Variants in ANKRD44 observed in about 807,000 individuals in gnomAD.
The protein encoded by ANKRD44 is serine/threonine-protein phosphatase 6 regulatory ankyrin repeat subunit B.
A neutral mutation model predicts 116.0 loss-of-function variants in ANKRD44; 35 were observed. That is an observed-to-expected ratio of 0.30 (90% CI 0.23 to 0.40). ANKRD44 has a LOEUF of 0.40. Ranked by LOEUF, ANKRD44 falls within the 10% of genes least tolerant of loss-of-function variation. ANKRD44 has a pLI of 1.00. For missense variants in ANKRD44, 1,014 were observed against 1,242.6 expected, an observed-to-expected ratio of 0.82 and a Z score of 2.77; for synonymous variants, 435 against 461.8, an observed-to-expected ratio of 0.94 and a Z score of 0.74.
At chr2:197,156,071 G>C (rs1393932310) in intron 2 of ANKRD44, among the ~76,000 whole-genome samples, 1 of 152,236 alleles carries the variant, frequency 6.6e-6, no homozygotes, top group Admixed American at 6.5e-5. Flanking sequence ...ACCGGGCCGG[G>C]CGTGGTGGCT....
At chr2:197,142,080 T>G (rs1283417625) in intron 3 of ANKRD44, among the ~76,000 whole-genome samples, 5 of 152,230 alleles carry the variant, frequency 3.3e-5, no homozygotes. Flanking sequence ...GTATATTGAT[T>G]CTTCAGAAAC....
At chr2:197,255,232 G>A (rs2082417409) in intron 1 of ANKRD44, among the ~76,000 whole-genome samples, 1 of 152,354 alleles carries the variant, frequency 6.6e-6, no homozygotes, top group South Asian at 2.1e-4. Context: ...TGGGAATGCT[G>A]CCTGTTCCTC....
rs1489354093 is a variant in ANKRD44, at chr2:197,280,305, C to T, written c.27+30273G>A. ...CTCCACCCAAGTCAGCAACACCTAC[C>T]AGAAACAACAAAGAAAGCATCTGGA... On this transcript the variant is annotated intron_variant, in intron 1 of 27. Transcript: ENST00000282272. Among the ~76,000 whole-genome samples, 8 of 152,224 alleles carry T rather than the reference C, an allele frequency of 5.3e-5. No individual in the cohort carries two copies. In the East Asian group the frequency reaches 1.5e-3, roughly 29 times the overall value.
chr2:196,970,836 G>A (rs1439637365), intron 21 of ANKRD44, among the ~76,000 whole-genome samples: 2 of 152,022 alleles, frequency 1.3e-5, no homozygotes. Flanking sequence ...TGGGTAGCTG[G>A]GACTACAGGC....
chr2:197,019,788 CT>C lies in ANKRD44; in HGVS notation c.1722+5407del, dbSNP rs368108983. Among the ~76,000 whole-genome samples, 1,390 of 150,448 alleles carry C rather than the reference CT, an allele frequency of 9.2e-3. 8 individuals carry two copies. The highest frequency in any genetic ancestry group is 0.024 in the Middle Eastern group (7 of 290). On this transcript the variant is annotated intron_variant, in intron 17 of 27. Coordinates refer to ENST00000282272, the MANE Select transcript of ANKRD44 (RefSeq NM_001195144.2). Reference sequence around the variant, plus strand: ...GAACAGCTCAGGGAATAGGCGATTTCTTTTTTTTTCTTTCTTTTTTTTTTTT... The same window carrying C: ...GAACAGCTCAGGGAATAGGCGATTTCTTTTTTTTCTTTCTTTTTTTTTTTT...
chr2:197,055,596 C>T (rs2077188867), intron 16 of ANKRD44, among the ~76,000 whole-genome samples: 1 of 152,164 alleles, frequency 6.6e-6, no homozygotes, highest in Non-Finnish European at 1.5e-5. Flanking sequence ...GATCTGCAAT[C>T]CATCTTGAAT....
At chr2:197,141,045 C>T (rs1313225011) in intron 3 of ANKRD44, among the ~76,000 whole-genome samples, 1 of 152,056 alleles carries the variant, frequency 6.6e-6, no homozygotes, top group Admixed American at 6.6e-5. Context: ...GGTGAAACCC[C>T]GTCTCCACTA....
Position 197,258,157 on chromosome 2 carries a change from C to CA in ANKRD44, c.27+52420dup, listed in dbSNP as rs1184228997. On this transcript the variant is annotated intron_variant, in intron 1 of 27. Transcript: ENST00000282272. Reference sequence around the variant, plus strand: ...TTGCTCTGTCACCCAGGCTGGAGTACAGTGGTGTGATCTTGGCTTCCTGCA... The same window carrying CA: ...TTGCTCTGTCACCCAGGCTGGAGTACAAGTGGTGTGATCTTGGCTTCCTGCA... Among the ~76,000 whole-genome samples the CA allele has an allele frequency of 8.6e-5, 13 of 151,034 alleles. No individual in the cohort carries two copies. The East Asian group carries it at 2.5e-3, about 29-fold the overall frequency.
At chr2:197,288,207 T>C (rs1220244774) in intron 1 of ANKRD44, among the ~76,000 whole-genome samples, 1 of 152,110 alleles carries the variant, frequency 6.6e-6, no homozygotes, top group Non-Finnish European at 1.5e-5. Flanking sequence ...TGAGAAACAC[T>C]GTTACTTACA....
intron 1 of ANKRD44, among the ~76,000 whole-genome samples, chr2:197,300,758 C>CT (rs112803787): frequency 0.02 from 2,503 of 122,686 alleles, 41 homozygotes; most frequent in African/African-American, 0.033. Context: ...TTTCATTTTC[C>CT]TTTTTTTTTT....
intron 2 of ANKRD44, among the ~76,000 whole-genome samples, chr2:197,167,386 A>G (rs1451366649): frequency 2.0e-5 from 3 of 152,210 alleles, no homozygotes; most frequent in African/African-American, 7.2e-5. Flanking sequence ...CCCCCAGTGG[A>G]TCATCTGGCA....
At chr2:197,246,766 C>G (rs2082202849) in intron 1 of ANKRD44, among the ~76,000 whole-genome samples, 1 of 152,150 alleles carries the variant, frequency 6.6e-6, no homozygotes, top group Non-Finnish European at 1.5e-5. Flanking sequence ...ATTTCATCCT[C>G]ACTATAACAC....
intron 16 of ANKRD44, among the ~76,000 whole-genome samples, chr2:197,063,102 T>C (rs1422506810): frequency 6.6e-6 from 1 of 152,138 alleles, no homozygotes; most frequent in African/African-American, 2.4e-5. Context: ...TGCGCCTGGG[T>C]ATCCCTCTGA....
At chr2:197,237,375 A>T (rs977748400) in intron 1 of ANKRD44, among the ~76,000 whole-genome samples, 1 of 152,256 alleles carries the variant, frequency 6.6e-6, no homozygotes, top group African/African-American at 2.4e-5. Flanking sequence ...CAGTAGCATT[A>T]ACTTAAAAGA....
At chr2:197,015,474 A>C (rs1472760942) in intron 17 of ANKRD44, 6 of 483,670 alleles carry the variant, frequency 1.2e-5, no homozygotes, top group African/African-American at 2.0e-5. Flanking sequence ...ATAACTTGGA[A>C]GTGAAAGAGA....
Position 197,005,717 on chromosome 2 carries a change from G to A in ANKRD44, c.2324C>T (p.Pro775Leu), listed in dbSNP as rs373399463. The stretch of plus-strand genomic sequence containing the variant: ...ACCATTGTAACAAGCCCAGTGCAGC[G>A]GCGTGTAGCCTTGGTTATCTTTGAA... ...CCFKDNQGYTPLHWACYNGNE... is the reference protein window; with the variant it reads ...CCFKDNQGYTLLHWACYNGNE... The change falls in exon 21 of 28, where the codon CCG (proline) becomes CTG (leucine). Residue 775 changes from proline to leucine, a missense_variant. By Grantham distance (98) the Pro-to-Leu change is moderately conservative (BLOSUM62 -3). Coordinates refer to ENST00000282272, the MANE Select transcript of ANKRD44 (RefSeq NM_001195144.2). 1.1e-5 allele frequency: 18 copies of A among 1,614,222 alleles called. No homozygotes were observed. Among genetic ancestry groups the A allele is most frequent in the East Asian group, 2.2e-5 (1 of 44,890 alleles).
At chr2:197,179,164 A>G (rs994766060) in intron 2 of ANKRD44, among the ~76,000 whole-genome samples, 1 of 152,172 alleles carries the variant, frequency 6.6e-6, no homozygotes, top group Admixed American at 6.5e-5. Context: ...TACTTTGTCT[A>G]TTCCTGTGCC....
At position 197,184,633 on chromosome 2, in the gene ANKRD44, C is replaced by T. The variant is rs909113016; in HGVS notation, c.111+2390G>A. ...CCAGCCTGGGCAGCTGAGCGAGACT[C>T]CATCTCAAAAAAAAAAAAAAAAAAA... On this transcript the variant is annotated intron_variant, in intron 2 of 27. Coordinates refer to ENST00000282272, the MANE Select transcript of ANKRD44 (RefSeq NM_001195144.2). 5.6e-5 allele frequency among the ~76,000 whole-genome samples: 5 copies of T among 89,580 alleles called. No individual in the cohort carries two copies. In the Admixed American group the frequency reaches 6.2e-4, roughly 11 times the overall value. The allele number at this position is 89,580 out of a possible 152,430, so 58.8% of individuals were successfully genotyped here. A position where few individuals can be genotyped will look rare whatever the true frequency, so the allele number is the denominator to read the frequency against.
At chr2:197,134,118 T>C (rs2079163493) in intron 4 of ANKRD44, 1 of 151,906 alleles carries the variant, frequency 6.6e-6, no homozygotes, top group Non-Finnish European at 1.5e-5. Context: ...CATGCCCAGC[T>C]AATTTTGTAT....
Sources: gnomAD v4.1 joint callset for allele counts (sites outside exome capture counted in the v4.1 genomes callset) on GRCh38, gnomAD v4.1.1 for gene constraint, MANE v1.5 for transcripts, NCBI Gene and HGNC (gene_info 2026-07-23, HGNC 2026-07-21) for gene names.